Variants in RYR2 observed in about 807,000 individuals in gnomAD.
RYR2 encodes cardiac muscle ryanodine receptor-calcium release channel.
RYR2 carries 227 observed loss-of-function variants against 601.1 expected under a neutral mutation model. The observed-to-expected ratio is 0.38, with a 90% CI of 0.34 to 0.42. RYR2 has a LOEUF of 0.42. Ranked by LOEUF, RYR2 falls within the 10% of genes least tolerant of loss-of-function variation. The probability of loss-of-function intolerance (pLI) is 1.00; values close to 1 mark genes in which losing one functional copy is unlikely to be tolerated. For missense variants in RYR2, 4,646 were observed against 6,156.5 expected, an observed-to-expected ratio of 0.75 and a Z score of 8.21; for synonymous variants, 2,223 against 2,175.1, an observed-to-expected ratio of 1.02 and a Z score of -0.61.
At chr1:237,336,810 T>C (rs1697279503) in intron 3 of RYR2, among the ~76,000 whole-genome samples, 1 of 151,836 alleles carries the variant, frequency 6.6e-6, no homozygotes, top group South Asian at 2.1e-4. Context: ...AGAGCAGAGA[T>C]TGCACCACTG....
intron 25 of RYR2, among the ~76,000 whole-genome samples, chr1:237,541,018 A>G (rs764033535): frequency 2.0e-5 from 3 of 152,232 alleles, no homozygotes; most frequent in Admixed American, 6.5e-5. Context: ...TACTGTTTAC[A>G]TAGACACAAG....
intron 1 of RYR2, among the ~76,000 whole-genome samples, chr1:237,233,697 C>T (rs576169652): frequency 6.6e-6 from 1 of 152,076 alleles, no homozygotes; most frequent in Admixed American, 6.6e-5. Context: ...CTCTGTCACC[C>T]AGGCTGGGGT....
At chr1:237,639,359 A>T (rs574919908) in intron 46 of RYR2, among the ~76,000 whole-genome samples, 158 bp downstream of exon 46, 1 of 152,324 alleles carries the variant, frequency 6.6e-6, no homozygotes, top group Admixed American at 6.5e-5. Context: ...AATGAATGGA[A>T]TTTGGTGCTG....
At chr1:237,051,776 T>C (rs1309667009) in intron 1 of RYR2, among the ~76,000 whole-genome samples, 2 of 152,180 alleles carry the variant, frequency 1.3e-5, no homozygotes. Flanking sequence ...GCCCAGTGTT[T>C]GCAGACACAG....
At chr1:237,317,316 T>G (rs567648076) in intron 2 of RYR2, among the ~76,000 whole-genome samples, 2 of 152,338 alleles carry the variant, frequency 1.3e-5, no homozygotes, top group African/African-American at 4.8e-5. Context: ...ATTAGTTATA[T>G]AGTTCTTCTG....
intron 35 of RYR2, among the ~76,000 whole-genome samples, chr1:237,603,877 C>A: frequency 6.6e-6 from 1 of 152,144 alleles, no homozygotes; most frequent in Non-Finnish European, 1.5e-5. Context: ...GCTAACTATC[C>A]TAAATATATA....
At chr1:237,333,919 G>A (rs547777533) in intron 3 of RYR2, among the ~76,000 whole-genome samples, 3 of 152,240 alleles carry the variant, frequency 2.0e-5, no homozygotes, top group East Asian at 1.9e-4. Flanking sequence ...AAAGAACCTC[G>A]TGTTGCCCTG....
intron 100 of RYR2, 52 bp from the exon 101 acceptor site, chr1:237,818,982 GAA>G: frequency 1.3e-6 from 2 of 1,490,034 alleles, no homozygotes; most frequent in Non-Finnish European, 9.1e-7. Flanking sequence ...GGTTTGTCGA[GAA>G]AAAAAAATGG....
At position 237,270,519 on chromosome 1, in the gene RYR2, G is replaced by T. The variant is rs1487597802; in HGVS notation, c.71G>T (p.Cys24Phe). Residue 24 changes from cysteine to phenylalanine, a missense_variant, in exon 2 of 105, where the codon TGC (cysteine) becomes TTC (phenylalanine). Coordinates refer to ENST00000366574, the MANE Select transcript of RYR2 (RefSeq NM_001035.3). ...LRTDDEVVLQ[C>F]TATIHKEQQK... ...CAGGATGATGAAGTGGTTCTGCAGT[G>T]CACCGCAACCATCCACAAAGAACAA... 1 of 1,589,232 alleles carries T rather than the reference G, an allele frequency of 6.3e-7. No homozygotes were observed. The highest frequency in any genetic ancestry group is 8.6e-7 in the Non-Finnish European group (1 of 1,167,228).
chr1:237,067,000 T>TA (rs1663726337), intron 1 of RYR2, among the ~76,000 whole-genome samples: 1 of 152,192 alleles, frequency 6.6e-6, no homozygotes, highest in African/African-American at 2.4e-5. Flanking sequence ...ATGGACTTTA[T>TA]AAAAAATGCT....
rs1464897049 is a variant in RYR2, at chr1:237,248,292, C to G, written c.49-22205C>G. Among the ~76,000 whole-genome samples, 370 of 99,646 alleles carry G rather than the reference C, an allele frequency of 3.7e-3. 13 individuals are homozygous for G. The highest frequency in any genetic ancestry group is 0.013 in the African/African-American group (356 of 26,560). The allele number at this position is 99,646 out of a possible 152,430, so 65.4% of individuals were successfully genotyped here. On this transcript the variant is annotated intron_variant, in intron 1 of 104. Coordinates refer to ENST00000366574, the MANE Select transcript of RYR2 (RefSeq NM_001035.3). ...ACCCCCCGCAACCCCGCCCCCCCCCCCCCCCCCAAAAATGATGATGTATCA... is the reference window on the plus strand; with the variant it reads ...ACCCCCCGCAACCCCGCCCCCCCCCGCCCCCCCAAAAATGATGATGTATCA...
intron 58 of RYR2, among the ~76,000 whole-genome samples, chr1:237,672,075 A>G (rs1407044746): frequency 1.3e-5 from 2 of 152,094 alleles, no homozygotes; most frequent in Admixed American, 1.3e-4. Flanking sequence ...CATAAATGGG[A>G]AAGTTGAGGG....
intron 14 of RYR2, among the ~76,000 whole-genome samples, chr1:237,452,325 C>A (rs1658278515): frequency 7.0e-6 from 1 of 143,694 alleles, no homozygotes. Flanking sequence ...GTATTATATG[C>A]TATACTACAT....
intron 1 of RYR2, among the ~76,000 whole-genome samples, chr1:237,184,693 C>G (rs1274890686): frequency 1.3e-5 from 2 of 152,030 alleles, no homozygotes; most frequent in African/African-American, 4.8e-5. Flanking sequence ...CTAGGAGGTC[C>G]ACAGCTTTGT....
chr1:237,478,939 ACT>A (rs1474662503), intron 17 of RYR2, among the ~76,000 whole-genome samples: 1 of 152,048 alleles, frequency 6.6e-6, no homozygotes, highest in Non-Finnish European at 1.5e-5. Context: ...AAATAGAATA[ACT>A]CTCTCATGTA....
chr1:237,068,281 C>T (rs190590515), intron 1 of RYR2, among the ~76,000 whole-genome samples: 14 of 152,096 alleles, frequency 9.2e-5, no homozygotes, highest in Non-Finnish European at 1.8e-4. Context: ...CAAAATACAG[C>T]CAGATTATCA....
chr1:237,173,991 G>A (rs896436541), intron 1 of RYR2, among the ~76,000 whole-genome samples: 2 of 151,936 alleles, frequency 1.3e-5, no homozygotes, highest in African/African-American at 2.4e-5. Flanking sequence ...TGGGAGGCAG[G>A]GCTTGCAGTG....
At position 237,707,175 on chromosome 1, in the gene RYR2, C is replaced by T. The variant is rs1553293326; in HGVS notation, c.9807C>T (p.Asn3269=). Residue 3269 remains asparagine, a synonymous_variant, in exon 68 of 105, where the codon AAC becomes AAT. Coordinates refer to ENST00000366574, the MANE Select transcript of RYR2 (RefSeq NM_001035.3). ...ERAEMCCTAL[N]SEHMNTLLGN... Reference sequence around the variant, plus strand: ...CCGAGATGTGCTGCACAGCCCTGAACTCAGAGCACATGAACACACTTCTAG... The same window carrying T: ...CCGAGATGTGCTGCACAGCCCTGAATTCAGAGCACATGAACACACTTCTAG... 4 of 1,612,850 alleles carry T rather than the reference C, an allele frequency of 2.5e-6. No homozygotes were observed. Among genetic ancestry groups the T allele is most frequent in the Non-Finnish European group, 3.4e-6 (4 of 1,179,044 alleles).
chr1:237,711,058 A>T (rs1239861077), intron 70 of RYR2, among the ~76,000 whole-genome samples: 1 of 152,192 alleles, frequency 6.6e-6, no homozygotes, highest in Non-Finnish European at 1.5e-5. Context: ...TTCCTCGATC[A>T]TTAAAATGCC....
Sources: allele counts gnomAD v4.1 joint callset (sites outside exome capture counted in the v4.1 genomes callset), GRCh38; gene constraint gnomAD v4.1.1; transcripts MANE v1.5; gene names NCBI Gene and HGNC (gene_info 2026-07-23, HGNC 2026-07-21).